The following DLG2 variants were observed in gnomAD, a reference collection of about 807,000 sequenced individuals.
DLG2 encodes disks large homolog 2.
In DLG2, 45 loss-of-function variants were observed where a neutral mutation model predicts 132.5. The observed-to-expected ratio is 0.34, with a 90% CI of 0.27 to 0.44. The LOEUF is 0.44. Among genes scored for constraint, DLG2 ranks in the 20% least tolerant of loss-of-function variants. The pLI is 1.00. For missense variants in DLG2, 1,045 were observed against 1,196.9 expected, an observed-to-expected ratio of 0.87 and a Z score of 1.87; for synonymous variants, 424 against 419.6, an observed-to-expected ratio of 1.01 and a Z score of -0.13.
chr11:85,402,154 A>T (rs1036701834), intron 3 of DLG2, among the ~76,000 whole-genome samples: 1 of 152,160 alleles, frequency 6.6e-6, no homozygotes, highest in South Asian at 2.1e-4. Flanking sequence ...ATATAGACCA[A>T]TGGAACAGAA....
intron 6 of DLG2, among the ~76,000 whole-genome samples, chr11:84,666,932 C>A (rs1484927182): frequency 6.6e-6 from 1 of 152,074 alleles, no homozygotes; most frequent in Admixed American, 6.6e-5. Flanking sequence ...TACTGAATAT[C>A]AGCTTCATTT....
chr11:84,817,364 G>A (rs537567582), intron 6 of DLG2, among the ~76,000 whole-genome samples: 2 of 152,016 alleles, frequency 1.3e-5, no homozygotes, highest in African/African-American at 4.8e-5. Flanking sequence ...GACCTACCTA[G>A]GTCCTGAAAA....
At chr11:85,350,361 C>T (rs1463988290) in intron 3 of DLG2, among the ~76,000 whole-genome samples, 1 of 152,160 alleles carries the variant, frequency 6.6e-6, no homozygotes, top group Non-Finnish European at 1.5e-5. Flanking sequence ...TGTAGGTTGC[C>T]TGTTCACTAT....
chr11:84,208,759 C>T (rs1156692371), intron 8 of DLG2, among the ~76,000 whole-genome samples: 1 of 152,138 alleles, frequency 6.6e-6, no homozygotes, highest in Non-Finnish European at 1.5e-5. Flanking sequence ...AAACACTGTA[C>T]TTTAATTGAT....
At chr11:85,484,220 C>T (rs909844507) in intron 3 of DLG2, among the ~76,000 whole-genome samples, 1 of 145,174 alleles carries the variant, frequency 6.9e-6, no homozygotes, top group Non-Finnish European at 1.5e-5. Context: ...CCCGACCCCT[C>T]CACCCGCCCT....
chr11:84,900,649 T>G (rs567369597), intron 6 of DLG2, among the ~76,000 whole-genome samples: 2 of 152,182 alleles, frequency 1.3e-5, no homozygotes, highest in East Asian at 3.9e-4. Flanking sequence ...ATTTTCATAA[T>G]AAGAAACAAC....
intron 3 of DLG2, among the ~76,000 whole-genome samples, chr11:85,330,792 TAAAAAA>T (rs56995757): frequency 0.051 from 6,006 of 116,676 alleles, 168 homozygotes; most frequent in East Asian, 0.1. Context: ...AAAAAAAAAT[TAAAAAA>T]AAAAAAAAAA....
intron 4 of DLG2, among the ~76,000 whole-genome samples, chr11:85,250,046 T>C (rs2076323403): frequency 6.6e-6 from 1 of 152,144 alleles, no homozygotes. Context: ...AAATGTTAAA[T>C]GGCTAAACAG....
chr11:84,756,210 T>C (rs1230966611), intron 6 of DLG2, among the ~76,000 whole-genome samples: 2 of 152,236 alleles, frequency 1.3e-5, no homozygotes, highest in Non-Finnish European at 2.9e-5. Context: ...CTTTGTTTTC[T>C]AGACTCTGTG....
chr11:84,320,269 T>A (rs1383029465), intron 7 of DLG2, among the ~76,000 whole-genome samples: 1 of 152,186 alleles, frequency 6.6e-6, no homozygotes, highest in African/African-American at 2.4e-5. Context: ...AAGACTAATA[T>A]CCTAGCTTGA....
At chr11:85,086,426 T>C (rs1356329470) in intron 6 of DLG2, among the ~76,000 whole-genome samples, 3 of 152,132 alleles carry the variant, frequency 2.0e-5, no homozygotes, top group Admixed American at 6.6e-5. Context: ...AGACACTTGG[T>C]ATGAGCACTA....
intron 8 of DLG2, among the ~76,000 whole-genome samples, chr11:84,187,815 T>C (rs1341185471): frequency 6.6e-6 from 1 of 152,074 alleles, no homozygotes; most frequent in Non-Finnish European, 1.5e-5. Context: ...AACAGGAATA[T>C]TCCCTGGCTA....
intron 6 of DLG2, among the ~76,000 whole-genome samples, chr11:84,837,074 T>A (rs954411624): frequency 1.3e-5 from 2 of 151,832 alleles, no homozygotes; most frequent in African/African-American, 4.8e-5. Context: ...TGTGTTCTCA[T>A]TGTTCAATTC....
At chr11:84,950,783 T>C (rs2050814842) in intron 6 of DLG2, among the ~76,000 whole-genome samples, 1 of 152,012 alleles carries the variant, frequency 6.6e-6, no homozygotes, top group Non-Finnish European at 1.5e-5. Context: ...TCTGCGGATA[T>C]CTGTGAGTAT....
At chr11:85,219,566 T>C (rs2082871392) in intron 4 of DLG2, among the ~76,000 whole-genome samples, 2 of 151,846 alleles carry the variant, frequency 1.3e-5, no homozygotes, top group South Asian at 4.2e-4. Context: ...TCCTAGCTTC[T>C]GGTGGTTGCT....
intron 6 of DLG2, among the ~76,000 whole-genome samples, chr11:84,570,235 C>G (rs2099476255): frequency 6.6e-6 from 1 of 152,094 alleles, no homozygotes; most frequent in Admixed American, 6.6e-5. Context: ...TTCACATTTC[C>G]TTGCCATTGA....
intron 3 of DLG2, among the ~76,000 whole-genome samples, chr11:85,442,992 G>C: frequency 6.6e-6 from 1 of 152,148 alleles, no homozygotes; most frequent in Non-Finnish European, 1.5e-5. Context: ...GTTAGGCAAA[G>C]TACAGTGCTA....
At chr11:84,060,537 CTTT>C (rs149848087) in intron 10 of DLG2, among the ~76,000 whole-genome samples, 8,887 of 147,596 alleles carry the variant, frequency 0.06, 318 homozygotes, top group African/African-American at 0.094. Flanking sequence ...AAACTTTCCT[CTTT>C]TTTTTTTTTT....
chr11:84,649,979 C>T (rs2099679589), intron 6 of DLG2, among the ~76,000 whole-genome samples: 1 of 152,196 alleles, frequency 6.6e-6, no homozygotes, highest in Admixed American at 6.5e-5. Flanking sequence ...CCACCACCTT[C>T]TTTGAGTCCA....
Sources: allele counts gnomAD v4.1 joint callset (sites outside exome capture counted in the v4.1 genomes callset), GRCh38; gene constraint gnomAD v4.1.1; transcripts MANE v1.5; gene names NCBI Gene and HGNC (gene_info 2026-07-23, HGNC 2026-07-21).